Variants in RPTOR observed in about 807,000 individuals in gnomAD.
RPTOR encodes regulatory associated protein of MTOR complex 1.
A neutral mutation model predicts 169.9 loss-of-function variants in RPTOR; 21 were observed. That is an observed-to-expected ratio of 0.12 (90% confidence interval 0.09 to 0.18). The LOEUF (loss-of-function observed/expected upper bound fraction) is 0.18. Among genes scored for constraint, RPTOR ranks in the 10% least tolerant of loss-of-function variants. The pLI is 1.00. For missense variants in RPTOR, 1,133 were observed against 1,855.9 expected, an observed-to-expected ratio of 0.61 and a Z score of 7.16; for synonymous variants, 732 against 753.2, an observed-to-expected ratio of 0.97 and a Z score of 0.46.
chr17:80,677,656 C>T (rs1461196840), intron 3 of RPTOR, among the ~76,000 whole-genome samples: 1 of 152,216 alleles, frequency 6.6e-6, no homozygotes, highest in Non-Finnish European at 1.5e-5. Flanking sequence ...GGGCAGTTTT[C>T]TCTTCCTCAA....
intron 3 of RPTOR, among the ~76,000 whole-genome samples, chr17:80,701,420 C>T (rs2066099762): frequency 6.6e-6 from 1 of 152,160 alleles, no homozygotes; most frequent in Non-Finnish European, 1.5e-5. Flanking sequence ...TCCTAACACC[C>T]TTAAGGGTGA....
At chr17:80,931,566 C>T (rs2068897761) in intron 24 of RPTOR, among the ~76,000 whole-genome samples, 1 of 152,204 alleles carries the variant, frequency 6.6e-6, no homozygotes, top group East Asian at 1.9e-4. Context: ...GTGCTGCTCC[C>T]CACAGAACAT....
chr17:80,626,172 C>T (rs942363063), intron 2 of RPTOR, among the ~76,000 whole-genome samples: 1 of 152,046 alleles, frequency 6.6e-6, no homozygotes, highest in Non-Finnish European at 1.5e-5. Flanking sequence ...CATGGCTCAG[C>T]CTCCTTAGTA....
chr17:80,899,764 G>A (rs563928667), intron 20 of RPTOR, among the ~76,000 whole-genome samples: 7 of 152,266 alleles, frequency 4.6e-5, no homozygotes, highest in South Asian at 2.1e-4. Context: ...TGAATTTTGC[G>A]TAACTTCACA....
At chr17:80,647,009 G>A (rs953724823) in intron 3 of RPTOR, among the ~76,000 whole-genome samples, 1 of 152,122 alleles carries the variant, frequency 6.6e-6, no homozygotes, top group African/African-American at 2.4e-5. Flanking sequence ...GTGCTGGAAC[G>A]CTTGGACTTG....
chr17:80,866,439 A>G (rs575880456), intron 13 of RPTOR, among the ~76,000 whole-genome samples: 2 of 152,296 alleles, frequency 1.3e-5, no homozygotes, highest in South Asian at 4.1e-4. Context: ...AAAGGAAATG[A>G]TACAAATCAG....
chr17:80,610,333 G>A (rs568601968), intron 1 of RPTOR, among the ~76,000 whole-genome samples: 5 of 152,170 alleles, frequency 3.3e-5, no homozygotes, highest in South Asian at 2.1e-4. Context: ...CAGAAAACAC[G>A]TCTGAATTGT....
rs1421322816 is a variant in RPTOR at position 80,602,767 on chromosome 17, T to C, written c.163-22924T>C. The C allele has an allele frequency of 1.1e-5, 8 of 730,146 alleles. No individual in the cohort carries two copies. In the East Asian group the frequency reaches 1.8e-4, roughly 16 times the overall value. The allele number at this position is 730,146 out of a possible 1,614,324, so 45.2% of individuals were successfully genotyped here. A position where few individuals can be genotyped will look rare whatever the true frequency, so the allele number is the denominator to read the frequency against. ...ACATCTGGAGTTGCCATCTCCTTCA[T>C]GTCAAATTTCCGAATCTCTCTGAGT... On this transcript the variant is annotated intron_variant, in intron 1 of 33. Transcript: ENST00000306801.
intron 20 of RPTOR, among the ~76,000 whole-genome samples, chr17:80,903,828 G>C (rs145093617): frequency 6.6e-6 from 1 of 152,168 alleles, no homozygotes; most frequent in Non-Finnish European, 1.5e-5. Context: ...CCTGGTGCTC[G>C]CTCAACCAAA....
At chr17:80,625,584 G>T (rs2065386918) in intron 1 of RPTOR, 107 bp from the exon 2 acceptor site, 3 of 815,276 alleles carry the variant, frequency 3.7e-6, no homozygotes, top group Middle Eastern at 6.0e-4. Context: ...AGGGCAGGTG[G>T]GTAGGGAAGG....
chr17:80,712,764 C>T (rs539975004), intron 4 of RPTOR, among the ~76,000 whole-genome samples: 2 of 152,284 alleles, frequency 1.3e-5, no homozygotes, highest in South Asian at 2.1e-4. Context: ...AACATGTCTA[C>T]GCCGTTTTGC....
chr17:80,911,665 G>A (rs948669947), intron 21 of RPTOR, among the ~76,000 whole-genome samples: 7 of 152,080 alleles, frequency 4.6e-5, no homozygotes, highest in African/African-American at 1.7e-4. Flanking sequence ...AGCACTTGTG[G>A]TCGCAGCTAC....
rs141649759 is a variant in RPTOR, at chr17:80,894,366, G to A, written c.2401+501G>A. ...CGCAGTGAGAGGCGGAGGGCCCTGC[G>A]GTCGGGCTGGGGGCTGTCATCCCCG... On this transcript the variant is annotated intron_variant, in intron 20 of 33. Coordinates refer to ENST00000306801, the MANE Select transcript of RPTOR (RefSeq NM_020761.3). 3.9e-3 allele frequency among the ~76,000 whole-genome samples: 598 copies of A among 152,318 alleles called. 3 individuals carry two copies. The highest frequency in any genetic ancestry group is 6.8e-3 in the Middle Eastern group (2 of 294).
At chr17:80,647,775 A>C (rs879349230) in intron 3 of RPTOR, among the ~76,000 whole-genome samples, 2 of 152,210 alleles carry the variant, frequency 1.3e-5, no homozygotes, top group East Asian at 3.9e-4. Flanking sequence ...GCTCATTCTC[A>C]TCTTGTCCAG....
At chr17:80,703,005 T>G (rs1795634001) in intron 3 of RPTOR, among the ~76,000 whole-genome samples, 1 of 152,220 alleles carries the variant, frequency 6.6e-6, no homozygotes, top group Non-Finnish European at 1.5e-5. Context: ...CCCAGCGATC[T>G]GTGGGCCCTG....
rs1029629004 is a variant in RPTOR at position 80,728,017 on chromosome 17, G to A, written c.508-2543G>A. Among the ~76,000 whole-genome samples the A allele has an allele frequency of 6.6e-5, 10 of 152,328 alleles. No homozygotes were observed. In the South Asian group the frequency reaches 1.0e-3, roughly 16 times the overall value. On this transcript the variant is annotated intron_variant, in intron 4 of 33. Transcript: ENST00000306801. ...ATAAAAACAGAATGGATGAATGAAT[G>A]GATGGGCGGATGGATGGATGGATGA...
At position 80,687,586 on chromosome 17, in the gene RPTOR, C is replaced by T. The variant is rs144901594; in HGVS notation, c.349-20255C>T. Among the ~76,000 whole-genome samples, 772 of 152,310 alleles carry T rather than the reference C, an allele frequency of 5.1e-3. 5 individuals are homozygous for T. Among genetic ancestry groups the T allele is most frequent in the African/African-American group, 0.017 (715 of 41,562 alleles). The stretch of plus-strand genomic sequence containing the variant: ...CACTGCTCTGCCCTTGGTGGGCACC[C>T]GTTGGTGTGTGTTGAGCTGGGTGTT... On this transcript the variant is annotated intron_variant, in intron 3 of 33. Coordinates refer to ENST00000306801, the MANE Select transcript of RPTOR (RefSeq NM_020761.3).
intron 4 of RPTOR, among the ~76,000 whole-genome samples, chr17:80,717,453 G>T (rs1567872872): frequency 1.3e-5 from 2 of 152,122 alleles, no homozygotes. Flanking sequence ...GTCTTTCTTG[G>T]TTGTATTTTC....
At chr17:80,799,237 T>TAAAACG (rs2067131524) in intron 7 of RPTOR, among the ~76,000 whole-genome samples, 1 of 152,230 alleles carries the variant, frequency 6.6e-6, no homozygotes, top group Non-Finnish European at 1.5e-5. Context: ...TCATTTACGT[T>TAAAACG]TTAGCAGTTC....
Sources: allele counts gnomAD v4.1 joint callset (sites outside exome capture counted in the v4.1 genomes callset), GRCh38; gene constraint gnomAD v4.1.1; transcripts MANE v1.5; gene names NCBI Gene and HGNC (gene_info 2026-07-23, HGNC 2026-07-21).